FHAD1: variants seen among roughly 807,000 people sequenced by gnomAD.
The protein encoded by FHAD1 is forkhead associated phosphopeptide binding domain 1.
FHAD1 carries 146 observed loss-of-function variants against 191.3 expected under a neutral mutation model. The ratio of observed to expected loss-of-function variants is 0.76; its 90% CI spans 0.67 to 0.88. FHAD1 has a LOEUF of 0.88. Ranked by LOEUF, FHAD1 falls within the 40% of genes least tolerant of loss-of-function variation. The probability of loss-of-function intolerance (pLI) is 0.00; values close to 1 mark genes in which losing one functional copy is unlikely to be tolerated. For synonymous variants in FHAD1, 616 were observed against 672.3 expected, an observed-to-expected ratio of 0.92 and a Z score of 1.29; for missense variants, 1,635 against 1,785.8, an observed-to-expected ratio of 0.92 and a Z score of 1.52.
intron 16 of FHAD1, among the ~76,000 whole-genome samples, chr1:15,342,490 C>T (rs965503854): frequency 6.6e-6 from 1 of 152,092 alleles, no homozygotes; most frequent in African/African-American, 2.4e-5. Flanking sequence ...TTTCTTAGGG[C>T]GAAGGCTTAG....
rs941629123 is a variant in FHAD1, at chr1:15,296,857, G to A, written c.678+64G>A. ...CAAGCGCACTGCAAAGGGACTTGCCGATGCCTGTTCTGTGTGGCCCAGGAG... is the reference window on the plus strand; with the variant it reads ...CAAGCGCACTGCAAAGGGACTTGCCAATGCCTGTTCTGTGTGGCCCAGGAG... On this transcript the variant is annotated intron_variant, in intron 5 of 33. Coordinates refer to ENST00000688493, the MANE Select transcript of FHAD1 (RefSeq NM_001391957.1). The A allele has an allele frequency of 9.7e-6, 13 of 1,343,952 alleles. No homozygotes were observed. The African/African-American group carries it at 1.2e-4, about 12-fold the overall frequency. 83.3% of individuals were successfully genotyped at this position (1,343,952 alleles called of 1,614,324 possible).
intron 24 of FHAD1, among the ~76,000 whole-genome samples, chr1:15,367,197 A>G (rs1168835220): frequency 2.0e-5 from 3 of 152,160 alleles, no homozygotes; most frequent in South Asian, 2.1e-4. Flanking sequence ...CAGTTTCTGC[A>G]TCTGTGAAGT....
chr1:15,333,467 T>C (rs1034222455), intron 14 of FHAD1, among the ~76,000 whole-genome samples: 2 of 152,222 alleles, frequency 1.3e-5, no homozygotes, highest in Non-Finnish European at 2.9e-5. Context: ...TTTATACACA[T>C]GATCTCATTT....
intron 14 of FHAD1, among the ~76,000 whole-genome samples, chr1:15,333,370 CGAT>C (rs1359666888): frequency 6.6e-6 from 1 of 151,752 alleles, no homozygotes; most frequent in Non-Finnish European, 1.5e-5. Context: ...AGGAGGAGGG[CGAT>C]GATGATGGTG....
At chr1:15,350,398 G>A (rs1469090825) in intron 19 of FHAD1, among the ~76,000 whole-genome samples, 1 of 152,246 alleles carries the variant, frequency 6.6e-6, no homozygotes, top group Non-Finnish European at 1.5e-5. Context: ...AAAGGAGCCT[G>A]GGGGCCAGAG....
chr1:15,377,992 G>A (rs914789545), intron 28 of FHAD1, among the ~76,000 whole-genome samples: 1 of 151,756 alleles, frequency 6.6e-6, no homozygotes, highest in South Asian at 2.1e-4. Context: ...TGTTATCCCC[G>A]TTTTACAGAT....
Position 15,324,472 on chromosome 1 carries a change from G to A in FHAD1, c.1386G>A (p.Glu462=), listed in dbSNP as rs1158988026. 6.4e-7 allele frequency: 1 copy of A among 1,551,652 alleles called. No individual in the cohort carries two copies. The change falls in exon 11 of 34, where the codon GAG becomes GAA. Residue 462 remains glutamate (E), a synonymous_variant. Transcript: ENST00000688493. ...TTCAGGTTGAAGAGAAGCTTCAGGA[G>A]GATTCCAGAAGGAAATTGCTTCAGC... ...EKSKVEEKLQ[E]DSRRKLLQLQ...
At chr1:15,291,850 C>T (rs868280823) in intron 4 of FHAD1, among the ~76,000 whole-genome samples, 6 of 152,140 alleles carry the variant, frequency 3.9e-5, no homozygotes, top group Non-Finnish European at 7.4e-5. Flanking sequence ...AGCAGGAAGC[C>T]TCAGTTCTTC....
intron 6 of FHAD1, among the ~76,000 whole-genome samples, chr1:15,308,237 C>A: frequency 6.6e-6 from 1 of 152,158 alleles, no homozygotes; most frequent in East Asian, 1.9e-4. Flanking sequence ...TTATAACATG[C>A]TTCCCTCTCT....
chr1:15,345,502 A>G lies in FHAD1; in HGVS notation c.2325A>G (p.Glu775=), dbSNP rs1435247178. The G allele has an allele frequency of 6.4e-7, 1 of 1,552,062 alleles. No individual in the cohort carries two copies. Among genetic ancestry groups the G allele is most frequent in the East Asian group, 2.4e-5 (1 of 40,914 alleles). The change falls in exon 18 of 34, where the codon GAA becomes GAG. Residue 775 remains glutamate (E), a synonymous_variant. Transcript: ENST00000688493. ...AGACAAGAGTCCAAGAGCTGGAGGA[A>G]CGCTTGGCCCGCCAGAAGGAGGTAC... is the stretch of plus-strand genomic sequence containing the variant. ...EEQTRVQELE[E]RLARQKEVLE...
At chr1:15,260,814 C>T (rs947000277) in intron 2 of FHAD1, among the ~76,000 whole-genome samples, 1 of 152,250 alleles carries the variant, frequency 6.6e-6, no homozygotes, top group Non-Finnish European at 1.5e-5. Flanking sequence ...AGATTAGCCC[C>T]CTCTGGATAA....
intron 26 of FHAD1, among the ~76,000 whole-genome samples, chr1:15,370,328 T>C (rs1055389498): frequency 2.0e-5 from 3 of 152,230 alleles, no homozygotes. Context: ...TATCAAACCA[T>C]GTACATTCTG....
rs375310517 is a variant in FHAD1, at chr1:15,362,625, A to C, written c.2963-17A>C. 6.5e-7 allele frequency: 1 copy of C among 1,545,038 alleles called. No homozygotes were observed. The highest frequency in any genetic ancestry group is 8.8e-7 in the Non-Finnish European group (1 of 1,140,946). On this transcript the variant is annotated splice_polypyrimidine_tract_variant and intron_variant, in intron 22 of 33. Transcript: ENST00000688493. ...GACAGTTTCCTCTCACAATGATCAC[A>C]TGTCCCTCTGATACAGCCCCAAAGG... is the stretch of plus-strand genomic sequence containing the variant.
intron 25 of FHAD1, among the ~76,000 whole-genome samples, chr1:15,369,162 A>G (rs183030199): frequency 3.3e-5 from 5 of 152,230 alleles, no homozygotes; most frequent in Non-Finnish European, 7.3e-5. Flanking sequence ...GCCCCCGTGC[A>G]GGAACCAAGG....
chr1:15,310,116 G>A (rs1032985533), intron 7 of FHAD1, among the ~76,000 whole-genome samples: 2 of 152,206 alleles, frequency 1.3e-5, no homozygotes, highest in Non-Finnish European at 2.9e-5. Context: ...ACAGAGAAAG[G>A]GGGAAGAGAG....
intron 10 of FHAD1, 93 bp from the exon 11 acceptor site, chr1:15,324,359 A>AC (rs565128766): frequency 7.8e-4 from 778 of 1,002,810 alleles, no homozygotes; most frequent in South Asian, 9.8e-4. Flanking sequence ...CCCCTCTGGG[A>AC]CCCCCCACGG....
chr1:15,307,334 C>T (rs953400666), intron 6 of FHAD1, among the ~76,000 whole-genome samples: 1 of 152,188 alleles, frequency 6.6e-6, no homozygotes, highest in African/African-American at 2.4e-5. Flanking sequence ...AAGGACTTGC[C>T]TTGTCTCAGA....
At chr1:15,274,820 A>T (rs1473429664) in intron 3 of FHAD1, among the ~76,000 whole-genome samples, 3 of 152,178 alleles carry the variant, frequency 2.0e-5, no homozygotes, top group Non-Finnish European at 2.9e-5. Context: ...AAACTCAGAG[A>T]GGTTAAGTAA....
chr1:15,258,325 G>C (rs1369042799), intron 2 of FHAD1, among the ~76,000 whole-genome samples: 1 of 152,132 alleles, frequency 6.6e-6, no homozygotes, highest in East Asian at 1.9e-4. Context: ...GTTCCTCATA[G>C]ACTATACTAT....
Sources: gnomAD v4.1 joint callset for allele counts (sites outside exome capture counted in the v4.1 genomes callset) on GRCh38, gnomAD v4.1.1 for gene constraint, MANE v1.5 for transcripts, NCBI Gene and HGNC (gene_info 2026-07-23, HGNC 2026-07-21) for gene names.